The following KIF19 variants were observed in gnomAD, a reference collection of about 807,000 sequenced individuals.
KIF19 encodes the protein kinesin-like protein KIF19.
A neutral mutation model predicts 106.6 loss-of-function variants in KIF19; 98 were observed. That is an observed-to-expected ratio of 0.92 (90% CI 0.78 to 1.09). The LOEUF is 1.09. KIF19 is among the 50% of genes least tolerant of loss of function. KIF19 has a pLI of 0.00. For missense variants in KIF19, 1,373 were observed against 1,414.3 expected (o/e 0.97, Z 0.47); for synonymous variants, 516 against 584.2 (o/e 0.88, Z 1.68).
Position 74,344,817 on chromosome 17 carries a change from C to A in KIF19, c.639C>A (p.Ala213=), listed in dbSNP as rs564644989. The change falls in exon 7 of 20, where the codon GCC becomes GCA. Residue 213 remains alanine (A), a synonymous_variant. Coordinates refer to ENST00000389916, the MANE Select transcript of KIF19 (RefSeq NM_153209.4). The part of the protein sequence containing the change: ...NRQRTQEPTA[A]NQTSSRSHAV... ...AGAGGACCCAGGAGCCCACGGCCGC[C>A]AACCAGACGTCCTCCCGCTCCCACG... 2.5e-6 allele frequency: 4 copies of A among 1,612,172 alleles called. No homozygotes were observed. The highest frequency in any genetic ancestry group is 1.7e-4 in the Middle Eastern group (1 of 6,048).
rs749121703 is a variant in KIF19 at position 74,354,469 on chromosome 17, G to C, written c.2616G>C (p.Gln872His). ...GCCCCAGGCCCTGGCTGCGTGGCCA[G>C]AAGAAAAGCCTGGGCAAGAAAAGGG... ...GDGPRPWLRG[Q>H]KKSLGKKREE... Residue 872 changes from glutamine to histidine, a missense_variant, in exon 18 of 20, where the codon CAG (glutamine) becomes CAC (histidine). This residue lies in a region of KIF19 where 1,020 missense variants were observed against 1,008.2 expected (regional missense o/e 1.01). Transcript: ENST00000389916. The C allele has an allele frequency of 6.2e-7, 1 of 1,609,276 alleles. No homozygotes were observed.
chr17:74,349,567 A>G (rs2144281617), intron 10 of KIF19, among the ~76,000 whole-genome samples: 1 of 152,296 alleles, frequency 6.6e-6, no homozygotes, highest in Admixed American at 6.5e-5. Flanking sequence ...CGATTTCCCA[A>G]CCCCACCTTG....
intron 2 of KIF19, among the ~76,000 whole-genome samples, chr17:74,339,755 C>T (rs1199944129): frequency 1.3e-5 from 2 of 152,354 alleles, no homozygotes; most frequent in Non-Finnish European, 2.9e-5. Flanking sequence ...CGTCCCCAGG[C>T]GCAGAGCAGC....
At chr17:74,344,728 C>T (rs752890699) in intron 6 of KIF19, 33 bp from the exon 7 acceptor site, 31 of 1,584,544 alleles carry the variant, frequency 2.0e-5, no homozygotes, top group Admixed American at 5.1e-5. Context: ...CTACGGCAGT[C>T]GCTAAGAGCT....
Position 74,349,337 on chromosome 17 carries a change from C to A in KIF19, c.1201C>A (p.Arg401Ser), listed in dbSNP as rs756060744. The part of the protein sequence containing the change: ...ARGRQDRGDI[R>S]HIQAEVQLHS... ...GGGCCGGCAGGATCGGGGTGACATC[C>A]GCCACATCCAAGGTGCGCCTGTGGG... The change falls in exon 10 of 20, where the codon CGC becomes AGC. Residue 401 changes from arginine (R) to serine (S), a missense_variant. By Grantham distance (110) the Arg-to-Ser change is moderately radical. This residue lies in a region of KIF19 where 1,020 missense variants were observed against 1,008.2 expected (regional missense o/e 1.01). Coordinates refer to ENST00000389916, the MANE Select transcript of KIF19 (RefSeq NM_153209.4). 2 of 1,601,944 alleles carry A rather than the reference C, an allele frequency of 1.2e-6. No individual in the cohort carries two copies. The highest frequency in any genetic ancestry group is 3.4e-5 in the Admixed American group (2 of 58,734).
intron 5 of KIF19, 57 bp downstream of exon 5, chr17:74,343,217 CTG>C: frequency 6.3e-7 from 1 of 1,579,236 alleles, no homozygotes; most frequent in Non-Finnish European, 8.6e-7. Context: ...GGGCTGGTCA[CTG>C]TGCAGCTTCC....
intron 10 of KIF19, among the ~76,000 whole-genome samples, chr17:74,349,835 G>A (rs1170430876): frequency 1.3e-5 from 2 of 148,822 alleles, no homozygotes; most frequent in Non-Finnish European, 3.0e-5. Context: ...GTCTTGCTCT[G>A]TTGCCCAGGC....
intron 1 of KIF19, among the ~76,000 whole-genome samples, chr17:74,327,960 C>A (rs899761807): frequency 1.3e-5 from 2 of 152,224 alleles, no homozygotes; most frequent in African/African-American, 4.8e-5. Flanking sequence ...AGGTGACACT[C>A]TCCTCGGTGT....
chr17:74,350,765 T>A lies in KIF19; in HGVS notation c.1447T>A (p.Cys483Ser). The A allele has an allele frequency of 6.2e-7, 1 of 1,613,316 alleles. No homozygotes were observed. The highest frequency in any genetic ancestry group is 1.1e-5 in the South Asian group (1 of 91,022). The change falls in exon 12 of 20, where the codon TGC becomes AGC. Residue 483 changes from cysteine (C) to serine (S), a missense_variant. By Grantham distance (112) the Cys-to-Ser change is moderately radical. Coordinates refer to ENST00000389916, the MANE Select transcript of KIF19 (RefSeq NM_153209.4). Reference sequence around the variant, plus strand: ...ATGGCGGGAGGAGCAGCGAAAGGAGTGCTACGCTAAGGACGACAGCGAGAA... The same window carrying A: ...ATGGCGGGAGGAGCAGCGAAAGGAGAGCTACGCTAAGGACGACAGCGAGAA... ...LKWREEQRKE[C>S]YAKDDSEKDS...
rs979315286 is a variant in KIF19, at chr17:74,328,318, G to A, written c.40-107G>A. 1.8e-5 allele frequency: 17 copies of A among 949,822 alleles called. No individual in the cohort carries two copies. The African/African-American group carries it at 2.6e-4, about 15-fold the overall frequency. 58.8% of individuals were successfully genotyped at this position (949,822 alleles called of 1,614,324 possible). On this transcript the variant is annotated intron_variant, in intron 1 of 19. Coordinates refer to ENST00000389916, the MANE Select transcript of KIF19 (RefSeq NM_153209.4). ...TAGAGTTTTACTTAGGACAAGGGAGGCCTGAGATGGCTGAATGCTAGAGAA... is the reference window on the plus strand; with the variant it reads ...TAGAGTTTTACTTAGGACAAGGGAGACCTGAGATGGCTGAATGCTAGAGAA...
chr17:74,326,613 A>G (rs2053916714), intron 1 of KIF19, among the ~76,000 whole-genome samples: 1 of 151,250 alleles, frequency 6.6e-6, no homozygotes, highest in South Asian at 2.1e-4. Context: ...CCCAACTTCA[A>G]CCCCACCCCC....
At chr17:74,353,690 G>A in intron 17 of KIF19, 109 bp downstream of exon 17, 1 of 853,708 alleles carries the variant, frequency 1.2e-6, no homozygotes, top group Non-Finnish European at 1.9e-6. Context: ...GTGCAACCAA[G>A]CATTGGGTGC....
chr17:74,350,878 C>T lies in KIF19; in HGVS notation c.1560C>T (p.Asp520=), dbSNP rs762952126. 17 of 1,613,764 alleles carry T rather than the reference C, an allele frequency of 1.1e-5. No homozygotes were observed. The highest frequency in any genetic ancestry group is 3.3e-4 in the Middle Eastern group (2 of 6,084). The change falls in exon 12 of 20, where the codon GAC becomes GAT. Residue 520 remains aspartate (D), a synonymous_variant. Transcript: ENST00000389916. ...AARESIAALV[D]EQKQLRKQKL... is the part of the protein sequence containing the mutation. Reference sequence around the variant, plus strand: ...GGGAGAGCATTGCAGCCCTGGTGGACGAGCAGAAGCAACTGCGCAAGCAGA... The same window carrying T: ...GGGAGAGCATTGCAGCCCTGGTGGATGAGCAGAAGCAACTGCGCAAGCAGA...
chr17:74,332,812 A>T (rs967755392), intron 2 of KIF19, among the ~76,000 whole-genome samples: 4 of 152,172 alleles, frequency 2.6e-5, no homozygotes, highest in Admixed American at 6.5e-5. Context: ...ACAGCCTGGG[A>T]CCCAGGAACC....
chr17:74,353,787 G>A (rs1245336911), intron 17 of KIF19, among the ~76,000 whole-genome samples: 9 of 152,226 alleles, frequency 5.9e-5, no homozygotes, highest in African/African-American at 2.2e-4. Flanking sequence ...GACATTTAGA[G>A]AGATGGGGGC....
intron 2 of KIF19, among the ~76,000 whole-genome samples, chr17:74,333,884 G>T (rs1189353613): frequency 2.0e-5 from 3 of 147,348 alleles, no homozygotes; most frequent in Middle Eastern, 3.2e-3. Flanking sequence ...TTGAGATGGG[G>T]GTCTCACTTT....
intron 5 of KIF19, among the ~76,000 whole-genome samples, chr17:74,343,850 G>A (rs960329372): frequency 1.3e-5 from 2 of 152,108 alleles, no homozygotes; most frequent in East Asian, 3.9e-4. Flanking sequence ...CTGGGTGGGG[G>A]AAGGGGGTTC....
intron 2 of KIF19, among the ~76,000 whole-genome samples, chr17:74,334,330 T>C (rs1225197001): frequency 6.6e-6 from 1 of 152,198 alleles, no homozygotes; most frequent in African/African-American, 2.4e-5. Flanking sequence ...TATGGGCCCA[T>C]TTCCCCACAG....
intron 10 of KIF19, 132 bp downstream of exon 10, chr17:74,349,481 GCT>G: frequency 1.2e-6 from 1 of 815,276 alleles, no homozygotes; most frequent in East Asian, 2.8e-5. Context: ...GCACTCACCA[GCT>G]CTGAGCCTCC....
Sources: gnomAD v4.1 joint callset for allele counts (sites outside exome capture counted in the v4.1 genomes callset) on GRCh38, gnomAD v4.1.1 for gene constraint, gnomAD v4.1.1 regional missense constraint, MANE v1.5 for transcripts, NCBI Gene and HGNC (gene_info 2026-07-23, HGNC 2026-07-21) for gene names.